SORCS2: variants seen among roughly 807,000 people sequenced by gnomAD.
The protein encoded by SORCS2 is sortilin related VPS10 domain containing receptor 2, also known as VPS10 domain-containing receptor SorCS2.
In SORCS2, 100 loss-of-function variants were observed where a neutral mutation model predicts 141.6. The ratio of observed to expected loss-of-function variants is 0.71; its 90% confidence interval spans 0.60 to 0.83. The LOEUF is 0.83. Ranked by LOEUF, SORCS2 falls within the 40% of genes least tolerant of loss-of-function variation. SORCS2 has a pLI of 0.00. For missense variants in SORCS2, 1,646 were observed against 1,560.2 expected (o/e 1.05, Z -0.93); for synonymous variants, 789 against 676.9 (o/e 1.17, Z -2.57).
chr4:7,445,889 C>T (rs4547796), intron 2 of SORCS2, among the ~76,000 whole-genome samples: 87,169 of 151,976 alleles, frequency 0.57, 25,628 homozygotes, highest in Middle Eastern at 0.65. Flanking sequence ...CCCACTGGCC[C>T]TGAGAGTAGA....
chr4:7,718,358 G>T (rs538082208), intron 18 of SORCS2, among the ~76,000 whole-genome samples, 175 bp downstream of exon 18: 2 of 152,158 alleles, frequency 1.3e-5, no homozygotes, highest in African/African-American at 4.8e-5. Flanking sequence ...TCCGCTTCCC[G>T]AGTCGAGACC....
intron 1 of SORCS2, among the ~76,000 whole-genome samples, chr4:7,302,912 C>T (rs1717538634): frequency 6.6e-6 from 1 of 152,194 alleles, no homozygotes; most frequent in East Asian, 1.9e-4. Flanking sequence ...TCAAAGTTCC[C>T]CTGATCACAC....
At chr4:7,446,938 G>A (rs1229494209) in intron 2 of SORCS2, among the ~76,000 whole-genome samples, 1 of 152,226 alleles carries the variant, frequency 6.6e-6, no homozygotes, top group Admixed American at 6.5e-5. Context: ...CCTGCTGCAG[G>A]ACTAAGGTTT....
intron 3 of SORCS2, among the ~76,000 whole-genome samples, chr4:7,608,333 C>T (rs1249389354): frequency 1.3e-5 from 2 of 152,180 alleles, no homozygotes; most frequent in Non-Finnish European, 2.9e-5. Context: ...CCACGTCACT[C>T]AGTTTCATCA....
At chr4:7,314,159 G>A (rs372797659) in intron 1 of SORCS2, among the ~76,000 whole-genome samples, 1 of 152,096 alleles carries the variant, frequency 6.6e-6, no homozygotes, top group African/African-American at 2.4e-5. Flanking sequence ...GCGGTGAGGG[G>A]GTGCCAGCTG....
chr4:7,255,994 G>A (rs1713848066), intron 1 of SORCS2, among the ~76,000 whole-genome samples: 1 of 151,314 alleles, frequency 6.6e-6, no homozygotes. Context: ...ATTGGTGCAT[G>A]GGGACCCTGG....
intron 9 of SORCS2, among the ~76,000 whole-genome samples, chr4:7,680,778 T>C (rs1723480689): frequency 6.6e-6 from 1 of 152,178 alleles, no homozygotes; most frequent in Non-Finnish European, 1.5e-5. Flanking sequence ...GAAAAGAGCC[T>C]GCCCTGCCCC....
intron 3 of SORCS2, among the ~76,000 whole-genome samples, chr4:7,570,954 C>T (rs764773073): frequency 6.6e-6 from 1 of 152,142 alleles, no homozygotes; most frequent in Non-Finnish European, 1.5e-5. Flanking sequence ...GCCCCTTTTC[C>T]AGCCCATGGC....
At chr4:7,586,474 T>C (rs1716544489) in intron 3 of SORCS2, among the ~76,000 whole-genome samples, 1 of 152,170 alleles carries the variant, frequency 6.6e-6, no homozygotes, top group Admixed American at 6.5e-5. Flanking sequence ...CCTGATGCTC[T>C]CCTTGCCCCA....
At chr4:7,306,212 A>C (rs569109342) in intron 1 of SORCS2, among the ~76,000 whole-genome samples, 1 of 152,158 alleles carries the variant, frequency 6.6e-6, no homozygotes. Context: ...ACAGACACCT[A>C]AGCCCGGGCT....
At chr4:7,419,669 G>C (rs1725913601) in intron 2 of SORCS2, among the ~76,000 whole-genome samples, 1 of 151,256 alleles carries the variant, frequency 6.6e-6, no homozygotes, top group Non-Finnish European at 1.5e-5. Flanking sequence ...CTTCCAAGGC[G>C]AGCTGGTGTC....
rs755766111 is a variant in SORCS2, at chr4:7,193,110, C to T, written c.464C>T (p.Thr155Met). The T allele has an allele frequency of 1.7e-5, 27 of 1,546,294 alleles. No individual in the cohort carries two copies. Among genetic ancestry groups the T allele is most frequent in the Non-Finnish European group, 2.2e-5 (26 of 1,155,622 alleles). Reference sequence around the variant, plus strand: ...CACAACCAGGCGATGGTGCACTGGACGGGCGAGAACAGCAGCGTAAGTGAC... The same window carrying T: ...CACAACCAGGCGATGGTGCACTGGATGGGCGAGAACAGCAGCGTAAGTGAC... ...ATHNQAMVHW[T>M]GENSSVILIL... Residue 155 changes from threonine to methionine, a missense_variant, in exon 1 of 27, where the codon ACG (threonine) becomes ATG (methionine). Transcript: ENST00000507866. The surrounding 1 kb of genome is among the most constrained non-coding windows in gnomAD (Gnocchi z 4.8).
At chr4:7,686,770 G>A (rs1181207174) in intron 10 of SORCS2, among the ~76,000 whole-genome samples, 3 of 152,232 alleles carry the variant, frequency 2.0e-5, no homozygotes, top group African/African-American at 7.2e-5. Flanking sequence ...AGGCTTGCGT[G>A]GGAGTGCGTG....
chr4:7,517,806 G>A (rs1355803461), intron 2 of SORCS2, among the ~76,000 whole-genome samples: 2 of 152,208 alleles, frequency 1.3e-5, no homozygotes, highest in Admixed American at 1.3e-4. Flanking sequence ...TGAAAATGTT[G>A]TTCACGAAGG....
chr4:7,640,029 G>C (rs373009975), intron 4 of SORCS2, among the ~76,000 whole-genome samples: 1 of 145,376 alleles, frequency 6.9e-6, no homozygotes, highest in African/African-American at 2.5e-5. Flanking sequence ...GAGTGTGTAC[G>C]TGAGTGTGCA....
At chr4:7,381,231 G>A (rs552513185) in intron 1 of SORCS2, among the ~76,000 whole-genome samples, 1 of 152,334 alleles carries the variant, frequency 6.6e-6, no homozygotes, top group African/African-American at 2.4e-5. Context: ...TGACATGACA[G>A]TGACTCCTGG....
intron 1 of SORCS2, among the ~76,000 whole-genome samples, chr4:7,260,528 GGAAT>G (rs953337331): frequency 6.6e-6 from 1 of 152,158 alleles, no homozygotes; most frequent in Non-Finnish European, 1.5e-5. Context: ...AGTTGTTTGT[GGAAT>G]GAATGAATGA....
At chr4:7,299,562 A>C (rs1717302203) in intron 1 of SORCS2, among the ~76,000 whole-genome samples, 1 of 152,206 alleles carries the variant, frequency 6.6e-6, no homozygotes, top group Non-Finnish European at 1.5e-5. Flanking sequence ...AGCATGTTAG[A>C]TCCTGGGGCA....
rs12171350 is a variant in SORCS2 at position 7,711,567 on chromosome 4, G to A, written c.1869-1166G>A. Among the ~76,000 whole-genome samples the A allele has an allele frequency of 6.1e-3, 935 of 152,308 alleles. 17 individuals carry two copies. The highest frequency in any genetic ancestry group is 0.022 in the African/African-American group (895 of 41,566). ...GGGCCCACCTTCTGGGTGGTCTTTGGAGCCTAAGTGTGTGGTACTGAGGGA... is the reference window on the plus strand; with the variant it reads ...GGGCCCACCTTCTGGGTGGTCTTTGAAGCCTAAGTGTGTGGTACTGAGGGA... On this transcript the variant is annotated intron_variant, in intron 14 of 26. Coordinates refer to ENST00000507866, the MANE Select transcript of SORCS2 (RefSeq NM_020777.3).
Sources: gnomAD v4.1 joint callset for allele counts (sites outside exome capture counted in the v4.1 genomes callset) on GRCh38, gnomAD v4.1.1 for gene constraint, Gnocchi (gnomAD v3.1) non-coding constraint, MANE v1.5 for transcripts, NCBI Gene and HGNC (gene_info 2026-07-23, HGNC 2026-07-21) for gene names.